Variants in MAP3K5 observed in about 807,000 individuals in gnomAD.
MAP3K5 encodes the protein mitogen-activated protein kinase kinase kinase 5, also known as ASK-1.
MAP3K5 carries 56 observed loss-of-function variants against 158.7 expected under a neutral mutation model. The observed-to-expected ratio is 0.35, with a 90% CI of 0.28 to 0.44. The LOEUF (loss-of-function observed/expected upper bound fraction) is 0.44, where lower values mean the gene tolerates loss of function less well. Ranked by LOEUF, MAP3K5 falls within the 20% of genes least tolerant of loss-of-function variation. The pLI is 1.00. For synonymous variants in MAP3K5, 579 were observed against 601.7 expected (o/e 0.96, Z 0.55); for missense variants, 1,294 against 1,674.8 (o/e 0.77, Z 3.97).
chr6:136,630,626 A>G (rs138035970), intron 14 of MAP3K5, among the ~76,000 whole-genome samples: 7 of 152,250 alleles, frequency 4.6e-5, no homozygotes, highest in Non-Finnish European at 1.0e-4. Context: ...GAGGAGATAG[A>G]CCACTTGCAC....
intron 19 of MAP3K5, among the ~76,000 whole-genome samples, chr6:136,604,808 T>TAG (rs1776034386): frequency 6.6e-6 from 1 of 152,090 alleles, no homozygotes; most frequent in Non-Finnish European, 1.5e-5. Flanking sequence ...ACTATTATGG[T>TAG]AGAGAAGTAA....
In MAP3K5 at chr6:136,773,795, G is replaced by T. The variant is rs6922587; in HGVS notation, c.448+17915C>A. ...CCCAAGTAACTGGGACCACAGGCGG[G>T]TGCCACCACACCCAGCTAATTTTTC... On this transcript the variant is annotated intron_variant, in intron 1 of 29. Transcript: ENST00000359015. Among the ~76,000 whole-genome samples the T allele has an allele frequency of 3.2e-3, 481 of 152,120 alleles. 3 individuals carry two copies. Among genetic ancestry groups the T allele is most frequent in the African/African-American group, 0.011 (465 of 41,478 alleles).
At chr6:136,576,823 AC>A (rs1385556409) in intron 25 of MAP3K5, among the ~76,000 whole-genome samples, 1 of 152,192 alleles carries the variant, frequency 6.6e-6, no homozygotes, top group Non-Finnish European at 1.5e-5. Context: ...AGATTGTAAT[AC>A]TATATTTTAC....
At chr6:136,725,208 G>A (rs1395466870) in intron 1 of MAP3K5, among the ~76,000 whole-genome samples, 1 of 152,172 alleles carries the variant, frequency 6.6e-6, no homozygotes, top group African/African-American at 2.4e-5. Context: ...CATTTGTCTT[G>A]AGTAAAGACC....
chr6:136,611,203 TTC>T (rs942181794), intron 18 of MAP3K5, 77 bp downstream of exon 18: 4 of 761,346 alleles, frequency 5.3e-6, no homozygotes, highest in African/African-American at 1.7e-5. Context: ...CCAACTGAAT[TTC>T]TCTCTCACAT....
At chr6:136,751,844 C>G (rs141913314) in intron 1 of MAP3K5, among the ~76,000 whole-genome samples, 1 of 152,282 alleles carries the variant, frequency 6.6e-6, no homozygotes, top group East Asian at 1.9e-4. Context: ...CGAAGCCAAG[C>G]CACTCCTACT....
chr6:136,649,714 T>C (rs1778433702), intron 11 of MAP3K5, among the ~76,000 whole-genome samples: 1 of 152,254 alleles, frequency 6.6e-6, no homozygotes, highest in Non-Finnish European at 1.5e-5. Flanking sequence ...ATATGCACAC[T>C]GCAGTGATTT....
Position 136,592,583 on chromosome 6 carries a change from A to G in MAP3K5, c.2910T>C (p.Pro970=). Residue 970 remains proline (P), a synonymous_variant, in exon 22 of 30, where the codon CCT becomes CCC. Transcript: ENST00000359015. Reference sequence around the variant, plus strand: ...TGCTGCTGGTGTCCTCCACCAGCACAGGTACCGGCAAGGATATACTCCTGA... The same window carrying G: ...TGCTGCTGGTGTCCTCCACCAGCACGGGTACCGGCAAGGATATACTCCTGA... The part of the protein sequence containing the change: ...EYLRSISLPV[P]VLVEDTSSSS... 1 of 1,613,924 alleles carries G rather than the reference A, an allele frequency of 6.2e-7. No individual in the cohort carries two copies. The highest frequency in any genetic ancestry group is 8.5e-7 in the Non-Finnish European group (1 of 1,179,874).
Position 136,606,196 on chromosome 6 carries a change from C to A in MAP3K5, c.2522-830G>T, listed in dbSNP as rs551981782. 3.3e-5 allele frequency among the ~76,000 whole-genome samples: 5 copies of A among 152,152 alleles called. No homozygotes were observed. In the South Asian group the frequency reaches 1.0e-3, roughly 32 times the overall value. ...TGAAACCCTGTCTCTACTAAAAATACAAAAATTAGCCGGGCTTGGTGGCGG... is the reference window on the plus strand; with the variant it reads ...TGAAACCCTGTCTCTACTAAAAATAAAAAAATTAGCCGGGCTTGGTGGCGG... On this transcript the variant is annotated intron_variant, in intron 18 of 29. Transcript: ENST00000359015.
intron 23 of MAP3K5, among the ~76,000 whole-genome samples, chr6:136,588,823 G>A (rs1775254409): frequency 6.6e-6 from 1 of 152,204 alleles, no homozygotes; most frequent in East Asian, 1.9e-4. Flanking sequence ...AAGCATGCAT[G>A]ACACTCATCC....
intron 10 of MAP3K5, among the ~76,000 whole-genome samples, chr6:136,651,589 T>C (rs1778521182): frequency 6.6e-6 from 1 of 152,174 alleles, no homozygotes; most frequent in Non-Finnish European, 1.5e-5. Context: ...ATGGTTTTGG[T>C]TATTCCTGAG....
At chr6:136,559,274 C>T (rs1039344291) in intron 28 of MAP3K5, among the ~76,000 whole-genome samples, 3 of 152,210 alleles carry the variant, frequency 2.0e-5, no homozygotes, top group African/African-American at 7.2e-5. Flanking sequence ...ATCGCTTGAA[C>T]CCGGGAGGCA....
Position 136,749,229 on chromosome 6 carries a change from C to T in MAP3K5, c.449-28640G>A, listed in dbSNP as rs540713612. ...CTCTACTAAAAATACACAAATTAGC[C>T]GGGTATGGTGGCACGCGCCTCTAAT... On this transcript the variant is annotated intron_variant, in intron 1 of 29. Transcript: ENST00000359015. 4.9e-4 allele frequency among the ~76,000 whole-genome samples: 75 copies of T among 151,890 alleles called. 3 individuals carry two copies. The highest frequency in any genetic ancestry group is 4.1e-4 in the South Asian group (2 of 4,822).
chr6:136,762,305 G>A lies in MAP3K5; in HGVS notation c.448+29405C>T, dbSNP rs576221055. Among the ~76,000 whole-genome samples the A allele has an allele frequency of 5.3e-5, 8 of 152,298 alleles. No individual in the cohort carries two copies. The East Asian group carries it at 1.5e-3, about 29-fold the overall frequency. ...CACAGAAAACAGAGCTCCTGACTTT[G>A]TACGGTTAAAGCTGTAAATGTTTTG... On this transcript the variant is annotated intron_variant, in intron 1 of 29. Transcript: ENST00000359015.
intron 1 of MAP3K5, among the ~76,000 whole-genome samples, chr6:136,743,340 C>T (rs1175011067): frequency 6.6e-6 from 1 of 151,902 alleles, no homozygotes; most frequent in Non-Finnish European, 1.5e-5. Context: ...GTCCCAGCTA[C>T]TCGGGAGGCT....
intron 14 of MAP3K5, among the ~76,000 whole-genome samples, chr6:136,624,882 C>G (rs1422372221): frequency 4.6e-5 from 7 of 152,150 alleles, no homozygotes; most frequent in Non-Finnish European, 1.0e-4. Flanking sequence ...GCTACCAAGA[C>G]AGTAGAAGAG....
In MAP3K5 at chr6:136,602,035, T is replaced by G. The variant is rs553801908; in HGVS notation, c.2680-56A>C. 6 of 1,427,108 alleles carry G rather than the reference T, an allele frequency of 4.2e-6. No homozygotes were observed. In the African/African-American group the frequency reaches 5.7e-5, roughly 14 times the overall value. 88.4% of individuals were successfully genotyped at this position (1,427,108 alleles called of 1,614,324 possible). The stretch of plus-strand genomic sequence containing the variant: ...CCTTCTGAGTGAACATCTCAGCACC[T>G]GAACTCCAGCTTCCATAACTTGACC... On this transcript the variant is annotated intron_variant, in intron 19 of 29. Coordinates refer to ENST00000359015, the MANE Select transcript of MAP3K5 (RefSeq NM_005923.4).
intron 1 of MAP3K5, among the ~76,000 whole-genome samples, chr6:136,754,721 C>A (rs1203603717): frequency 6.6e-6 from 1 of 152,152 alleles, no homozygotes; most frequent in Non-Finnish European, 1.5e-5. Flanking sequence ...CAGAAGAATG[C>A]TTCGGGAAGA....
intron 1 of MAP3K5, among the ~76,000 whole-genome samples, chr6:136,755,226 C>T (rs1214581353): frequency 6.6e-6 from 1 of 152,116 alleles, no homozygotes; most frequent in Non-Finnish European, 1.5e-5. Context: ...TTCCTGCCTC[C>T]CTCTCCAGCC....
Sources: gnomAD v4.1 joint callset for allele counts (sites outside exome capture counted in the v4.1 genomes callset) on GRCh38, gnomAD v4.1.1 for gene constraint, MANE v1.5 for transcripts, NCBI Gene and HGNC (gene_info 2026-07-23, HGNC 2026-07-21) for gene names.